The following CEP350 variants were observed in gnomAD, a reference collection of about 807,000 sequenced individuals.
CEP350 encodes the protein centrosome-associated protein 350.
In CEP350, 126 loss-of-function variants were observed where a neutral mutation model predicts 331.8. The ratio of observed to expected loss-of-function variants is 0.38; its 90% CI spans 0.33 to 0.44. CEP350 has a LOEUF of 0.44. Among genes scored for constraint, CEP350 ranks in the 20% least tolerant of loss-of-function variants. CEP350 has a pLI of 1.00. For missense variants in CEP350, 3,406 were observed against 3,634.6 expected (o/e 0.94, Z 1.62); for synonymous variants, 1,200 against 1,259.5 (o/e 0.95, Z 1.00).
In CEP350 at chr1:180,114,637, A is replaced by G. The variant is rs570719410; in HGVS notation, c.*3476A>G. 11 of 152,734 alleles carry G rather than the reference A, an allele frequency of 7.2e-5. No individual in the cohort carries two copies. In the South Asian group the frequency reaches 2.3e-3, roughly 32 times the overall value. The allele number at this position is 152,734 out of a possible 1,614,324, so 9.5% of individuals were successfully genotyped here. On this transcript the variant is annotated 3_prime_UTR_variant, in exon 38 of 38. Transcript: ENST00000367607. ...CCTCCTTGTGTGTACTGTACTGTGCAGACATGAAAAAATAAACCCGTTTAC... is the reference window on the plus strand; with the variant it reads ...CCTCCTTGTGTGTACTGTACTGTGCGGACATGAAAAAATAAACCCGTTTAC...
intron 33 of CEP350, among the ~76,000 whole-genome samples, chr1:180,091,046 C>A (rs1187608593): frequency 4.6e-5 from 7 of 151,382 alleles, no homozygotes; most frequent in Non-Finnish European, 1.0e-4. Context: ...ACTCTGTCAC[C>A]CAAGCTGGAG....
chr1:180,066,070 T>C (rs1658530853), intron 27 of CEP350, among the ~76,000 whole-genome samples: 1 of 152,160 alleles, frequency 6.6e-6, no homozygotes, highest in Non-Finnish European at 1.5e-5. Flanking sequence ...TTTGAAAGTC[T>C]TAACATTCTT....
rs1184521284 is a variant in CEP350, at chr1:180,114,708, A to G, written c.*3547A>G. ...GGTCATCAGGCCATTTTCAGCCAAT[A>G]GTCACATCCAGTGCAATTTTGCACC... On this transcript the variant is annotated 3_prime_UTR_variant, in exon 38 of 38. Coordinates refer to ENST00000367607, the MANE Select transcript of CEP350 (RefSeq NM_014810.5). 1 of 152,654 alleles carries G rather than the reference A, an allele frequency of 6.6e-6. No homozygotes were observed. Among genetic ancestry groups the G allele is most frequent in the Non-Finnish European group, 1.5e-5 (1 of 68,040 alleles). The allele number at this position is 152,654 out of a possible 1,614,324, so 9.5% of individuals were successfully genotyped here. A position where few individuals can be genotyped will look rare whatever the true frequency, so the allele number is the denominator to read the frequency against.
chr1:180,037,274 A>G (rs1656422675), intron 17 of CEP350, among the ~76,000 whole-genome samples, 185 bp downstream of exon 17: 2 of 152,194 alleles, frequency 1.3e-5, no homozygotes, highest in Non-Finnish European at 2.9e-5. Context: ...TTGGCAGCAG[A>G]ACAATAATAA....
At chr1:180,038,521 G>A (rs1470862848) in intron 17 of CEP350, among the ~76,000 whole-genome samples, 1 of 152,194 alleles carries the variant, frequency 6.6e-6, no homozygotes, top group African/African-American at 2.4e-5. Flanking sequence ...GAGAATGCCA[G>A]TTGTCTGTAT....
At chr1:180,046,411 C>T (rs1224676644) in intron 21 of CEP350, among the ~76,000 whole-genome samples, 2 of 152,162 alleles carry the variant, frequency 1.3e-5, no homozygotes, top group African/African-American at 2.4e-5. Flanking sequence ...TAGCATGTAT[C>T]ACTACTTTGT....
At chr1:180,043,816 A>C (rs1656933265) in intron 20 of CEP350, among the ~76,000 whole-genome samples, 1 of 150,956 alleles carries the variant, frequency 6.6e-6, no homozygotes, top group South Asian at 2.1e-4. Context: ...TTTCTTAATC[A>C]TATTTTGACT....
chr1:180,028,157 T>A (rs1465845515), intron 14 of CEP350, among the ~76,000 whole-genome samples: 1 of 152,198 alleles, frequency 6.6e-6, no homozygotes, highest in Non-Finnish European at 1.5e-5. Context: ...GGGAAATTCT[T>A]TTAGAGTGAA....
chr1:179,986,571 G>T (rs1652662180), intron 2 of CEP350, among the ~76,000 whole-genome samples: 1 of 152,104 alleles, frequency 6.6e-6, no homozygotes, highest in Non-Finnish European at 1.5e-5. Flanking sequence ...GATAATAATA[G>T]TAACAGTCTC....
Position 180,041,755 on chromosome 1 carries a change from T to C in CEP350, c.4315T>C (p.Ser1439Pro). ...AACGTGTAAAATAGCAGCTCAGCAG[T>C]CAGAAACTGCTCGCCTCACCACAGA... ...EATCKIAAQQ[S>P]ETARLTTDAA... The change falls in exon 19 of 38, where the codon TCA becomes CCA. Residue 1439 changes from serine to proline, a missense_variant. Physicochemically the swap from Ser to Pro is moderately conservative, Grantham distance 74 (BLOSUM62 -1). Around this residue, in one of 5 missense-constraint regions of CEP350, gnomAD observed 1,857 missense variants for 1,909.2 expected, o/e 0.97. Transcript: ENST00000367607. 1 of 1,613,158 alleles carries C rather than the reference T, an allele frequency of 6.2e-7. No homozygotes were observed. Among genetic ancestry groups the C allele is most frequent in the Non-Finnish European group, 8.5e-7 (1 of 1,179,540 alleles).
Position 180,094,236 on chromosome 1 carries a change from G to C in CEP350, c.8131G>C (p.Ala2711Pro). The change falls in exon 34 of 38, where the codon GCT becomes CCT. Residue 2711 changes from alanine (A) to proline (P), a missense_variant. This residue lies in a region of CEP350 where 1,415 missense variants were observed against 1,512.3 expected (regional missense o/e 0.94). Coordinates refer to ENST00000367607, the MANE Select transcript of CEP350 (RefSeq NM_014810.5). ...TEEEDNLYAE[A>P]SEKLCTPLLD... ...AGAGGAAGACAACCTATATGCTGAA[G>C]CTTCAGAAAAGCTTTGTACACCACT... The C allele has an allele frequency of 6.2e-7, 1 of 1,613,084 alleles. No individual in the cohort carries two copies. The highest frequency in any genetic ancestry group is 8.5e-7 in the Non-Finnish European group (1 of 1,179,546).
intron 14 of CEP350, among the ~76,000 whole-genome samples, chr1:180,030,327 A>T (rs889764779): frequency 6.9e-6 from 1 of 145,532 alleles, no homozygotes; most frequent in African/African-American, 2.5e-5. Context: ...ATATATATAC[A>T]TATGTGTGTA....
At chr1:180,036,559 T>A (rs192091939) in intron 16 of CEP350, among the ~76,000 whole-genome samples, 140 of 152,298 alleles carry the variant, frequency 9.2e-4, no homozygotes, top group Non-Finnish European at 1.6e-3. Context: ...GCAAAAAGAT[T>A]AGGACTTGCT....
chr1:180,092,245 G>T (rs1316863707), intron 33 of CEP350, among the ~76,000 whole-genome samples: 1 of 152,156 alleles, frequency 6.6e-6, no homozygotes, highest in Admixed American at 6.5e-5. Flanking sequence ...ATGGAAGTCT[G>T]TTTCTCCTTC....
At chr1:179,984,100 A>T (rs188862673) in intron 1 of CEP350, among the ~76,000 whole-genome samples, 115 of 152,340 alleles carry the variant, frequency 7.5e-4, no homozygotes, top group African/African-American at 2.6e-3. Context: ...GTTTTAGCAC[A>T]CTTTGCAGAT....
At chr1:180,107,789 A>T (rs931925341) in intron 37 of CEP350, among the ~76,000 whole-genome samples, 1 of 152,070 alleles carries the variant, frequency 6.6e-6, no homozygotes, top group South Asian at 2.1e-4. Context: ...ACATTTCTCT[A>T]TTCCACCAGC....
intron 22 of CEP350, among the ~76,000 whole-genome samples, chr1:180,052,761 T>G (rs2148967394): frequency 6.6e-6 from 1 of 152,314 alleles, no homozygotes; most frequent in South Asian, 2.1e-4. Flanking sequence ...AATCTTTATA[T>G]GTCTTAACCT....
chr1:180,094,525 A>G lies in CEP350; in HGVS notation c.8420A>G (p.Glu2807Gly). The change falls in exon 34 of 38, where the codon GAA (glutamate) becomes GGA (glycine). Residue 2807 changes from glutamate to glycine, a missense_variant. Coordinates refer to ENST00000367607, the MANE Select transcript of CEP350 (RefSeq NM_014810.5). The stretch of plus-strand genomic sequence containing the variant: ...CAAGACCTATCCCAAAATGTTGAGG[A>G]ACAGTCGCCAAGTATTTCAGGTTGC... ...TPQDLSQNVE[E>G]QSPSISGCFL... 6.8e-6 allele frequency: 11 copies of G among 1,613,960 alleles called. No homozygotes were observed. Among genetic ancestry groups the G allele is most frequent in the Non-Finnish European group, 8.5e-6 (10 of 1,179,858 alleles).
rs1571822415 is a variant in CEP350, at chr1:179,987,415, A to G, written c.120+129A>G. 4.0e-5 allele frequency: 9 copies of G among 226,912 alleles called. No individual in the cohort carries two copies. The East Asian group carries it at 7.7e-4, about 19-fold the overall frequency. 14.1% of individuals were successfully genotyped at this position (226,912 alleles called of 1,614,324 possible). On this transcript the variant is annotated intron_variant, in intron 3 of 37. Coordinates refer to ENST00000367607, the MANE Select transcript of CEP350 (RefSeq NM_014810.5). ...ATATTACTATAGAATAATACTATAT[A>G]TTATTATATATACTATATAAAATAT...
Sources: allele counts gnomAD v4.1 joint callset (sites outside exome capture counted in the v4.1 genomes callset), GRCh38; gene constraint gnomAD v4.1.1; regional missense constraint gnomAD v4.1.1; transcripts MANE v1.5; gene names NCBI Gene and HGNC (gene_info 2026-07-23, HGNC 2026-07-21).